Variants in RBM26 observed in about 807,000 individuals in gnomAD.
The protein encoded by RBM26 is RNA-binding protein 26.
Under a neutral mutation model 123.6 loss-of-function variants are expected in RBM26, and 30 were observed. The ratio of observed to expected loss-of-function variants is 0.24; its 90% CI spans 0.18 to 0.33. The LOEUF (loss-of-function observed/expected upper bound fraction) is 0.33, where lower values mean the gene tolerates loss of function less well. RBM26 is among the 10% of genes least tolerant of loss of function. The pLI, the probability that RBM26 is intolerant of heterozygous loss-of-function variation, is 1.00. For synonymous variants in RBM26, 400 were observed against 404.4 expected (o/e 0.99, Z 0.13); for missense variants, 947 against 1,203.6 (o/e 0.79, Z 3.15).
At chr13:79,353,122 C>A in intron 14 of RBM26, 31 bp downstream of exon 14, 1 of 1,414,168 alleles carries the variant, frequency 7.1e-7, no homozygotes, top group Non-Finnish European at 9.7e-7. Context: ...TTTATGAAGC[C>A]AAGACAAACA....
In RBM26 at chr13:79,337,076, T is replaced by C. The variant is rs569555265; in HGVS notation, c.2733+26A>G. 3.8e-6 allele frequency: 6 copies of C among 1,596,824 alleles called. No homozygotes were observed. The South Asian group carries it at 5.6e-5, about 15-fold the overall frequency. ...ATCCCCAATGATGATTATCAGCATT[T>C]GTTTTGTTGAGCAGTAAGAAAGTAC... is the stretch of plus-strand genomic sequence containing the variant. On this transcript the variant is annotated intron_variant, in intron 19 of 21. Coordinates refer to ENST00000438737, the MANE Select transcript of RBM26 (RefSeq NM_001366735.2).
chr13:79,343,438 A>AT (rs1350459089), intron 16 of RBM26, among the ~76,000 whole-genome samples: 1 of 151,926 alleles, frequency 6.6e-6, no homozygotes, highest in Non-Finnish European at 1.5e-5. Context: ...TTTGTAAAGT[A>AT]TTGTGATTTT....
In RBM26 at chr13:79,377,304, A is replaced by G. The variant is rs1327761615; in HGVS notation, c.327+75T>C. On this transcript the variant is annotated intron_variant, in intron 3 of 21. Transcript: ENST00000438737. ...CCTGAGGACTCCAACACAAAGATAT[A>G]GAAGATAAAAACTCAGTTTGGTTAT... 5.3e-6 allele frequency: 7 copies of G among 1,321,994 alleles called. No individual in the cohort carries two copies. The Admixed American group carries it at 9.1e-5, about 17-fold the overall frequency. 81.9% of individuals were successfully genotyped at this position (1,321,994 alleles called of 1,614,324 possible).
At position 79,319,970 on chromosome 13, in the gene RBM26, T is replaced by TTTTTTTTAATTG; in HGVS notation, c.*650_*651insCAATTAAAAAAA. 1 of 457,406 alleles carries TTTTTTTTAATTG rather than the reference T, an allele frequency of 2.2e-6. No individual in the cohort carries two copies. 28.3% of individuals were successfully genotyped at this position (457,406 alleles called of 1,614,324 possible). ...TTGGCTTTTTTTTTTTTTTTTTTTT[T>TTTTTTTTAATTG]GTCATTGCTTTTCTCTTTTCTTTCC... is the stretch of plus-strand genomic sequence containing the variant. On this transcript the variant is annotated 3_prime_UTR_variant, in exon 22 of 22. Transcript: ENST00000438737.
Position 79,366,214 on chromosome 13 carries a change from A to G in RBM26, c.1136-19T>C, listed in dbSNP as rs368622751. On this transcript the variant is annotated intron_variant, in intron 7 of 21. Coordinates refer to ENST00000438737, the MANE Select transcript of RBM26 (RefSeq NM_001366735.2). Reference sequence around the variant, plus strand: ...GGTGGTCCTGTCAAAACCAAAGAATAAGAAATATCATCTGAAAGCAAACAA... The same window carrying G: ...GGTGGTCCTGTCAAAACCAAAGAATGAGAAATATCATCTGAAAGCAAACAA... 16 of 1,602,900 alleles carry G rather than the reference A, an allele frequency of 1.0e-5. No homozygotes were observed. Among genetic ancestry groups the G allele is most frequent in the Non-Finnish European group, 1.3e-5 (15 of 1,176,562 alleles).
chr13:79,389,868 G>A (rs756038734), intron 1 of RBM26, among the ~76,000 whole-genome samples: 4 of 152,074 alleles, frequency 2.6e-5, no homozygotes, highest in East Asian at 1.9e-4. Flanking sequence ...TAAACAAAGT[G>A]CAATACACTC....
At chr13:79,346,969 GTTT>G (rs1297737565) in intron 14 of RBM26, among the ~76,000 whole-genome samples, 1 of 152,162 alleles carries the variant, frequency 6.6e-6, no homozygotes, top group Non-Finnish European at 1.5e-5. Context: ...CAATTTTCCA[GTTT>G]TTAATTTATA....
chr13:79,406,005 T>A lies in RBM26; in HGVS notation c.-231A>T. 3.5e-6 allele frequency: 1 copy of A among 287,524 alleles called. No homozygotes were observed. The highest frequency in any genetic ancestry group is 6.2e-6 in the Non-Finnish European group (1 of 161,654). 17.8% of individuals were successfully genotyped at this position (287,524 alleles called of 1,614,324 possible). On this transcript the variant is annotated 5_prime_UTR_variant, in exon 1 of 22. Coordinates refer to ENST00000438737, the MANE Select transcript of RBM26 (RefSeq NM_001366735.2). ...CCCGTCCCCGGCCCCCAGCCCGGGCTGAAACAGCAACGGTTTGCCCGGGCC... is the reference window on the plus strand; with the variant it reads ...CCCGTCCCCGGCCCCCAGCCCGGGCAGAAACAGCAACGGTTTGCCCGGGCC...
chr13:79,383,337 TTAG>T (rs1218149180), intron 1 of RBM26, among the ~76,000 whole-genome samples: 5 of 152,272 alleles, frequency 3.3e-5, no homozygotes, highest in Admixed American at 1.3e-4. Context: ...TCTACATATA[TTAG>T]TAATAGAAAA....
intron 16 of RBM26, among the ~76,000 whole-genome samples, chr13:79,343,661 A>G (rs980592879): frequency 6.6e-6 from 1 of 151,946 alleles, no homozygotes; most frequent in African/African-American, 2.4e-5. Context: ...ATTTTCTAGC[A>G]GTCACATTAA....
intron 19 of RBM26, 124 bp from the exon 20 acceptor site, chr13:79,334,554 G>C: frequency 2.0e-6 from 1 of 491,624 alleles, no homozygotes; most frequent in Non-Finnish European, 3.6e-6. Context: ...AATTCATAAT[G>C]GTTAACAGAA....
chr13:79,329,387 A>C (rs1177912652), intron 20 of RBM26, among the ~76,000 whole-genome samples: 2 of 152,048 alleles, frequency 1.3e-5, no homozygotes, highest in African/African-American at 4.8e-5. Flanking sequence ...ACAACTGAAA[A>C]GGATTAGTGA....
chr13:79,317,186 T>C (rs1471856854), downstream of RBM26, among the ~76,000 whole-genome samples: 1 of 151,734 alleles, frequency 6.6e-6, no homozygotes, highest in Admixed American at 6.6e-5. Flanking sequence ...ATGTAATTTG[T>C]ACTGGCAAAT....
At chr13:79,315,702 T>C (rs1402782144), downstream of RBM26, among the ~76,000 whole-genome samples, 1 of 151,886 alleles carries the variant, frequency 6.6e-6, no homozygotes, top group African/African-American at 2.4e-5. Flanking sequence ...AACAAGCACA[T>C]AATATGGATA....
In RBM26 at chr13:79,358,415, T is replaced by G. The variant is rs2074278815; in HGVS notation, c.1548A>C (p.Thr516=). Residue 516 remains threonine (T), a synonymous_variant, in exon 11 of 22, where the codon ACA becomes ACC. Transcript: ENST00000438737. ...CCTTCTTCTGAAAGCCTGGGCTGTT[T>G]GTTCTATTAAAATTTGGTCTGCAAA... is the stretch of plus-strand genomic sequence containing the variant. The part of the protein sequence containing the change: ...TWFDKPNFNR[T]NSPGFQKKVQ... 6.2e-7 allele frequency: 1 copy of G among 1,609,310 alleles called. No homozygotes were observed. The highest frequency in any genetic ancestry group is 1.7e-5 in the Admixed American group (1 of 58,968).
downstream of RBM26, among the ~76,000 whole-genome samples, chr13:79,317,183 T>C (rs760851133): frequency 1.3e-5 from 2 of 151,718 alleles, no homozygotes; most frequent in Non-Finnish European, 2.9e-5. Flanking sequence ...TGAATGTAAT[T>C]TGTACTGGCA....
chr13:79,331,591 A>G (rs2138751333), intron 20 of RBM26, among the ~76,000 whole-genome samples: 1 of 151,786 alleles, frequency 6.6e-6, no homozygotes, highest in East Asian at 1.9e-4. Flanking sequence ...AGCTGAGATC[A>G]CACCACTGCA....
chr13:79,388,388 G>A (rs1016183928), intron 1 of RBM26, among the ~76,000 whole-genome samples: 1 of 152,190 alleles, frequency 6.6e-6, no homozygotes, highest in Middle Eastern at 3.2e-3. Flanking sequence ...GAGCCACCTC[G>A]CCCAGCAAGC....
intron 14 of RBM26, among the ~76,000 whole-genome samples, chr13:79,350,153 CCACA>C (rs2073021836): frequency 6.6e-6 from 1 of 152,136 alleles, no homozygotes; most frequent in African/African-American, 2.4e-5. Context: ...TTTAATTATA[CCACA>C]CAATTTTCCT....
Sources: allele counts gnomAD v4.1 joint callset (sites outside exome capture counted in the v4.1 genomes callset), GRCh38; gene constraint gnomAD v4.1.1; transcripts MANE v1.5; gene names NCBI Gene and HGNC (gene_info 2026-07-23, HGNC 2026-07-21).